ZDHHC7: variants seen among roughly 807,000 people sequenced by gnomAD.
ZDHHC7 encodes the protein zDHHC palmitoyltransferase 7.
In ZDHHC7, 12 loss-of-function variants were observed where a neutral mutation model predicts 34.1. The observed-to-expected ratio is 0.35, with a 90% CI of 0.23 to 0.57. The LOEUF is 0.57. Ranked by LOEUF, ZDHHC7 falls within the 20% of genes least tolerant of loss-of-function variation. The pLI is 0.84. For synonymous variants in ZDHHC7, 185 were observed against 155.4 expected (o/e 1.19, Z -1.42); for missense variants, 388 against 402.7 (o/e 0.96, Z 0.31).
At chr16:84,980,979 C>T (rs2072360209) in intron 4 of ZDHHC7, among the ~76,000 whole-genome samples, 2 of 152,216 alleles carry the variant, frequency 1.3e-5, no homozygotes, top group South Asian at 2.1e-4. Context: ...TCTGGGTTTC[C>T]TCCCGTTGGA....
At chr16:85,008,001 G>A (rs1008004152) in intron 1 of ZDHHC7, among the ~76,000 whole-genome samples, 2 of 151,984 alleles carry the variant, frequency 1.3e-5, no homozygotes, top group African/African-American at 4.8e-5. Context: ...TGTGGTCCCT[G>A]TTAACCAGGA....
chr16:84,991,201 T>A (rs12443859), intron 2 of ZDHHC7, among the ~76,000 whole-genome samples: 37,834 of 152,194 alleles, frequency 0.25, 4,847 homozygotes, highest in Admixed American at 0.33. Context: ...TATCCTCGCT[T>A]ATCTGTGATG....
chr16:84,987,285 C>A (rs994401114), intron 3 of ZDHHC7, among the ~76,000 whole-genome samples: 1 of 152,356 alleles, frequency 6.6e-6, no homozygotes, highest in South Asian at 2.1e-4. Context: ...AAATGGCCAA[C>A]AAGCCCATGA....
intron 6 of ZDHHC7, among the ~76,000 whole-genome samples, 182 bp downstream of exon 6, chr16:84,977,742 G>A (rs1330824424): frequency 6.6e-6 from 1 of 152,122 alleles, no homozygotes; most frequent in Non-Finnish European, 1.5e-5. Context: ...AAGCTTTTGG[G>A]GCAACAATAT....
chr16:85,006,717 GT>G (rs1737384973), intron 1 of ZDHHC7, among the ~76,000 whole-genome samples: 1 of 149,360 alleles, frequency 6.7e-6, no homozygotes, highest in South Asian at 2.1e-4. Flanking sequence ...TCCAGCCTAG[GT>G]GACAGAATAA....
chr16:84,974,250 T>G lies in ZDHHC7; in HGVS notation c.*2093A>C, dbSNP rs1227687256. 6.6e-6 allele frequency: 1 copy of G among 152,240 alleles called. No individual in the cohort carries two copies. The highest frequency in any genetic ancestry group is 1.5e-5 in the Non-Finnish European group (1 of 68,046). The allele number at this position is 152,240 out of a possible 1,614,324, so 9.4% of individuals were successfully genotyped here. A position where few individuals can be genotyped will look rare whatever the true frequency, so the allele number is the denominator to read the frequency against. ...ACTAAGTAAAACGATGGGAGTCGAA[T>G]TAAACATTCAACAAGCAACAGTACT... is the stretch of plus-strand genomic sequence containing the variant. On this transcript the variant is annotated 3_prime_UTR_variant, in exon 8 of 8. Transcript: ENST00000313732.
chr16:85,020,175 T>C, the ZDHHC7 span, among the ~76,000 whole-genome samples: 1 of 152,212 alleles, frequency 6.6e-6, no homozygotes, highest in African/African-American at 2.4e-5. Context: ...TCTCCTACAG[T>C]GGGTACCATG....
At chr16:84,982,126 T>A in intron 3 of ZDHHC7, 132 bp from the exon 4 acceptor site, 8 of 1,206,446 alleles carry the variant, frequency 6.6e-6, no homozygotes, top group Non-Finnish European at 9.3e-6. Context: ...GGTCAGGAGT[T>A]CAAGACCAGC....
At chr16:85,019,133 G>GA in the ZDHHC7 span, among the ~76,000 whole-genome samples, 1 of 152,210 alleles carries the variant, frequency 6.6e-6, no homozygotes, top group African/African-American at 2.4e-5. Flanking sequence ...ACTTGACTCA[G>GA]AAAGTGTTTT....
intron 1 of ZDHHC7, among the ~76,000 whole-genome samples, chr16:85,000,837 G>C (rs979669620): frequency 6.6e-6 from 1 of 152,186 alleles, no homozygotes; most frequent in Non-Finnish European, 1.5e-5. Context: ...GCAGCGAGGT[G>C]AGGATCCAAT....
chr16:85,023,538 A>C, the ZDHHC7 span, among the ~76,000 whole-genome samples: 3 of 152,222 alleles, frequency 2.0e-5, no homozygotes, highest in African/African-American at 7.2e-5. Context: ...ATGGTAGTCA[A>C]ACACACACAG....
chr16:84,978,600 C>T (rs2072328084), intron 5 of ZDHHC7, among the ~76,000 whole-genome samples: 1 of 151,796 alleles, frequency 6.6e-6, no homozygotes, highest in African/African-American at 2.4e-5. Flanking sequence ...CGGTGGCTCA[C>T]GACTGTAATC....
At chr16:85,026,883 C>T in the ZDHHC7 span, among the ~76,000 whole-genome samples, 2 of 152,036 alleles carry the variant, frequency 1.3e-5, no homozygotes, top group East Asian at 3.9e-4. Context: ...TACTCCAGAA[C>T]CAGATTCTCC....
At chr16:85,024,091 T>C in the ZDHHC7 span, among the ~76,000 whole-genome samples, 2 of 152,028 alleles carry the variant, frequency 1.3e-5, no homozygotes, top group Admixed American at 1.3e-4. Context: ...CTAATTTTTG[T>C]ATTTTTAGTA....
intron 1 of ZDHHC7, among the ~76,000 whole-genome samples, chr16:85,000,072 C>T (rs1178120259): frequency 1.3e-5 from 2 of 151,644 alleles, no homozygotes; most frequent in Non-Finnish European, 2.9e-5. Context: ...TCTCGGAGGT[C>T]GAGGCTGCAG....
chr16:85,021,742 A>C, the ZDHHC7 span, among the ~76,000 whole-genome samples: 1 of 151,376 alleles, frequency 6.6e-6, no homozygotes, highest in Non-Finnish European at 1.5e-5. Context: ...AAAGAGAGAA[A>C]GAGAACAAGA....
chr16:84,982,925 AC>A (rs1273067473), intron 3 of ZDHHC7, among the ~76,000 whole-genome samples: 1 of 152,194 alleles, frequency 6.6e-6, no homozygotes, highest in Non-Finnish European at 1.5e-5. Context: ...TCAACTGAGG[AC>A]CCGCTGTAGG....
intron 3 of ZDHHC7, among the ~76,000 whole-genome samples, chr16:84,989,385 G>A (rs745951851): frequency 2.6e-5 from 4 of 152,168 alleles, no homozygotes; most frequent in Non-Finnish European, 2.9e-5. Flanking sequence ...GAGCTGATCC[G>A]TTTCAGTTTA....
intron 3 of ZDHHC7, among the ~76,000 whole-genome samples, chr16:84,987,040 C>T (rs906047405): frequency 2.0e-5 from 3 of 152,354 alleles, no homozygotes; most frequent in East Asian, 3.9e-4. Context: ...GACTGCCCTT[C>T]TTCCCTGGGC....
Sources: allele counts gnomAD v4.1 joint callset (sites outside exome capture counted in the v4.1 genomes callset), GRCh38; gene constraint gnomAD v4.1.1; transcripts MANE v1.5; gene names NCBI Gene and HGNC (gene_info 2026-07-23, HGNC 2026-07-21).